GPC5: variants seen among roughly 807,000 people sequenced by gnomAD.
The protein encoded by GPC5 is glypican-5.
GPC5 carries 47 observed loss-of-function variants against 53.9 expected under a neutral mutation model. The observed-to-expected ratio is 0.87, with a 90% confidence interval of 0.69 to 1.11. The LOEUF (loss-of-function observed/expected upper bound fraction) is 1.11. GPC5 is among the 50% of genes most tolerant of loss of function. GPC5 has a pLI of 0.00. For synonymous variants in GPC5, 286 were observed against 263.3 expected, an observed-to-expected ratio of 1.09 and a Z score of -0.84; for missense variants, 748 against 713.1, an observed-to-expected ratio of 1.05 and a Z score of -0.56.
chr13:92,443,921 G>A (rs2225158), intron 7 of GPC5, among the ~76,000 whole-genome samples: 98,290 of 152,074 alleles, frequency 0.65, 32,711 homozygotes, highest in African/African-American at 0.8. Context: ...TGAGGGCCCA[G>A]CTGAGATGAG....
intron 7 of GPC5, among the ~76,000 whole-genome samples, chr13:92,820,952 A>T (rs1038678112): frequency 2.6e-5 from 4 of 152,162 alleles, no homozygotes; most frequent in Admixed American, 1.3e-4. Context: ...AGAAATTGGG[A>T]AAGTCAACAT....
chr13:92,643,658 A>G (rs1197173807), intron 7 of GPC5, among the ~76,000 whole-genome samples: 2 of 145,070 alleles, frequency 1.4e-5, no homozygotes, highest in Non-Finnish European at 3.1e-5. Flanking sequence ...ATTCTCACTC[A>G]TAGGTGGGAA....
At chr13:92,042,765 A>G (rs1314215094) in intron 6 of GPC5, among the ~76,000 whole-genome samples, 3 of 152,232 alleles carry the variant, frequency 2.0e-5, no homozygotes, top group Non-Finnish European at 4.4e-5. Context: ...GATGGGTCCC[A>G]TTGGTGAGCT....
At chr13:91,573,794 A>G (rs1241573227) in intron 2 of GPC5, among the ~76,000 whole-genome samples, 1 of 152,190 alleles carries the variant, frequency 6.6e-6, no homozygotes, top group Non-Finnish European at 1.5e-5. Flanking sequence ...AAATGTGGAG[A>G]GATAAAATTA....
At chr13:91,764,985 C>T (rs2037494350) in intron 5 of GPC5, among the ~76,000 whole-genome samples, 2 of 152,138 alleles carry the variant, frequency 1.3e-5, no homozygotes, top group Admixed American at 6.5e-5. Flanking sequence ...ATGTTTTGGC[C>T]TCTTTCTGCT....
intron 2 of GPC5, among the ~76,000 whole-genome samples, chr13:91,569,452 G>A (rs2138982278): frequency 6.6e-6 from 1 of 152,120 alleles, no homozygotes; most frequent in Non-Finnish European, 1.5e-5. Context: ...ATCAGTTTCT[G>A]TACTATGGCC....
intron 7 of GPC5, among the ~76,000 whole-genome samples, chr13:92,704,861 A>AGTGTATATATATATACTCAATGT (rs149331853): frequency 0.24 from 34,903 of 146,088 alleles, 4,503 homozygotes; most frequent in Admixed American, 0.35. Context: ...TAAATATATG[A>AGTGTATATATATATACTCAATGT]GTGTATATAT....
At chr13:92,785,758 G>T (rs1281223666) in intron 7 of GPC5, among the ~76,000 whole-genome samples, 1 of 152,170 alleles carries the variant, frequency 6.6e-6, no homozygotes, top group African/African-American at 2.4e-5. Flanking sequence ...TTCTGTGTAA[G>T]TCCAGGTCTG....
At chr13:92,111,439 A>G (rs1389457231) in intron 6 of GPC5, among the ~76,000 whole-genome samples, 1 of 152,202 alleles carries the variant, frequency 6.6e-6, no homozygotes, top group Non-Finnish European at 1.5e-5. Flanking sequence ...TGATCCAGGC[A>G]CATTGCTGCT....
At chr13:92,114,933 A>G (rs2041588587) in intron 6 of GPC5, among the ~76,000 whole-genome samples, 1 of 152,192 alleles carries the variant, frequency 6.6e-6, no homozygotes, top group African/African-American at 2.4e-5. Context: ...TCTGTTTCTG[A>G]GAGAAGAGGT....
At chr13:92,285,632 C>T (rs1444837951) in intron 7 of GPC5, among the ~76,000 whole-genome samples, 1 of 152,140 alleles carries the variant, frequency 6.6e-6, no homozygotes, top group Non-Finnish European at 1.5e-5. Flanking sequence ...CAAAAACAAG[C>T]AATGGGGAAA....
intron 5 of GPC5, among the ~76,000 whole-genome samples, chr13:91,877,353 C>A (rs775703603): frequency 6.6e-6 from 1 of 152,094 alleles, no homozygotes; most frequent in Non-Finnish European, 1.5e-5. Flanking sequence ...TGAAAGCAGC[C>A]GGGAGGGAGG....
At chr13:92,495,503 T>C (rs1438321513) in intron 7 of GPC5, among the ~76,000 whole-genome samples, 1 of 152,174 alleles carries the variant, frequency 6.6e-6, no homozygotes, top group Non-Finnish European at 1.5e-5. Context: ...TGGGATATGC[T>C]GCCAGTCTCG....
rs2042403445 is a variant in GPC5, at chr13:92,215,515, C to A, written c.1561+70526C>A. 2.0e-5 allele frequency among the ~76,000 whole-genome samples: 3 copies of A among 152,136 alleles called. No homozygotes were observed. In the South Asian group the frequency reaches 6.2e-4, roughly 31 times the overall value. Reference sequence around the variant, plus strand: ...GTGGGTTGCTTCTATCTGAAATCAACAAGTGATTATGAACTGGTGACTCTA... The same window carrying A: ...GTGGGTTGCTTCTATCTGAAATCAAAAAGTGATTATGAACTGGTGACTCTA... On this transcript the variant is annotated intron_variant, in intron 7 of 7. Coordinates refer to ENST00000377067, the MANE Select transcript of GPC5 (RefSeq NM_004466.6).
chr13:91,506,260 A>G (rs1331322162), intron 2 of GPC5, among the ~76,000 whole-genome samples: 1 of 152,172 alleles, frequency 6.6e-6, no homozygotes, highest in African/African-American at 2.4e-5. Context: ...CATAATAAAT[A>G]TAATTTAAAA....
chr13:91,665,714 C>T (rs2035096376), intron 2 of GPC5, among the ~76,000 whole-genome samples: 3 of 152,042 alleles, frequency 2.0e-5, no homozygotes, highest in African/African-American at 7.2e-5. Context: ...ACCGTGTTAG[C>T]CAGGATGGTC....
chr13:92,552,242 G>A (rs1275842382), intron 7 of GPC5, among the ~76,000 whole-genome samples: 1 of 151,802 alleles, frequency 6.6e-6, no homozygotes, highest in Non-Finnish European at 1.5e-5. Flanking sequence ...AGCTTTTCCA[G>A]TGCTGTAAAT....
intron 7 of GPC5, among the ~76,000 whole-genome samples, chr13:92,788,856 G>A (rs908215263): frequency 6.6e-6 from 1 of 152,160 alleles, no homozygotes; most frequent in Non-Finnish European, 1.5e-5. Flanking sequence ...CTCGGTGTAT[G>A]GCACACCTTG....
At chr13:92,221,711 T>C (rs2042450011) in intron 7 of GPC5, among the ~76,000 whole-genome samples, 1 of 144,742 alleles carries the variant, frequency 6.9e-6, no homozygotes, top group African/African-American at 2.4e-5. Flanking sequence ...ACAATATCCA[T>C]GTTTTTCCTA....
Sources: allele counts gnomAD v4.1 joint callset (sites outside exome capture counted in the v4.1 genomes callset), GRCh38; gene constraint gnomAD v4.1.1; transcripts MANE v1.5; gene names NCBI Gene and HGNC (gene_info 2026-07-23, HGNC 2026-07-21).